The following PDE10A variants were observed in gnomAD, a reference collection of about 807,000 sequenced individuals.
PDE10A encodes phosphodiesterase 10A.
Under a neutral mutation model 97.7 loss-of-function variants are expected in PDE10A, and 39 were observed. The observed-to-expected ratio is 0.40, with a 90% CI of 0.31 to 0.52. The LOEUF is 0.52. Ranked by LOEUF, PDE10A falls within the 20% of genes least tolerant of loss-of-function variation. The pLI is 0.56. For synonymous variants in PDE10A, 371 were observed against 376.8 expected (o/e 0.98, Z 0.18); for missense variants, 731 against 1,047.8 (o/e 0.70, Z 4.17).
intron 10 of PDE10A, among the ~76,000 whole-genome samples, chr6:165,425,767 G>A (rs2128235206): frequency 8.1e-6 from 1 of 123,538 alleles, no homozygotes. Flanking sequence ...TAGAAGGCAT[G>A]ATCGTGTGTG....
At chr6:165,647,640 T>C (rs899678722) in intron 1 of PDE10A, among the ~76,000 whole-genome samples, 3 of 152,216 alleles carry the variant, frequency 2.0e-5, no homozygotes, top group Non-Finnish European at 4.4e-5. Flanking sequence ...AGCCATTTCC[T>C]GATATCAGCG....
At chr6:165,423,000 T>C (rs1788832532) in intron 10 of PDE10A, among the ~76,000 whole-genome samples, 1 of 152,208 alleles carries the variant, frequency 6.6e-6, no homozygotes, top group African/African-American at 2.4e-5. Context: ...AGTGATATGA[T>C]ATAAACACTG....
At chr6:165,858,372 C>T (rs978924202) in intron 1 of PDE10A, among the ~76,000 whole-genome samples, 9 of 152,218 alleles carry the variant, frequency 5.9e-5, no homozygotes, top group African/African-American at 2.2e-4. Context: ...GGAACTGAGA[C>T]CTTCTGCTCT....
chr6:165,721,296 T>A (rs1218713437), intron 1 of PDE10A, among the ~76,000 whole-genome samples: 2 of 152,192 alleles, frequency 1.3e-5, no homozygotes, highest in East Asian at 1.9e-4. Flanking sequence ...AGCTGTGAAA[T>A]TACATTTCAA....
chr6:165,779,958 G>T (rs1049571198), intron 1 of PDE10A, among the ~76,000 whole-genome samples: 3 of 152,280 alleles, frequency 2.0e-5, no homozygotes, highest in African/African-American at 7.2e-5. Flanking sequence ...AGCATCTATT[G>T]AGTGCCTAGC....
chr6:165,388,195 G>A lies in PDE10A; in HGVS notation c.2610+103C>T. 3.1e-6 allele frequency: 3 copies of A among 974,014 alleles called. No homozygotes were observed. Among genetic ancestry groups the A allele is most frequent in the Non-Finnish European group, 4.7e-6 (3 of 640,380 alleles). 60.3% of individuals were successfully genotyped at this position (974,014 alleles called of 1,614,324 possible). A position where few individuals can be genotyped will look rare whatever the true frequency, so the allele number is the denominator to read the frequency against. On this transcript the variant is annotated intron_variant, in intron 17 of 21. Coordinates refer to ENST00000539869, the MANE Select transcript of PDE10A (RefSeq NM_001385079.1). The surrounding 1 kb of genome is among the most constrained non-coding windows in gnomAD (Gnocchi z 4.0). ...GGTTCTACAATAAAAAGTAGCTGTT[G>A]CTTTTAAGGAAGCCATAATGATCTT...
intron 1 of PDE10A, among the ~76,000 whole-genome samples, chr6:165,808,557 G>A (rs1203402384): frequency 6.6e-6 from 1 of 152,198 alleles, no homozygotes; most frequent in Non-Finnish European, 1.5e-5. Context: ...CTCATTTCCA[G>A]CTTGTGATTC....
chr6:165,871,044 G>A lies in PDE10A; in HGVS notation c.-615+116485C>T, dbSNP rs201102828. Among the ~76,000 whole-genome samples the A allele has an allele frequency of 5.3e-5, 8 of 152,290 alleles. No homozygotes were observed. The East Asian group carries it at 7.7e-4, about 15-fold the overall frequency. ...TTCTACTGTTCGATGGTAGAGTGAC[G>A]ATAGTTAATAATAATTTATTGTATA... On this transcript the variant is annotated intron_variant, in intron 1 of 19. Transcript: ENST00000366882.
chr6:165,774,831 C>CTTTTTTTTTTTTTTTTTTATTTTTTTTT (rs1778125497), intron 1 of PDE10A: 12 of 107,872 alleles, frequency 1.1e-4, no homozygotes, highest in Non-Finnish European at 1.9e-4. Context: ...ACTTTTTTTT[C>CTTTTTTTTTTTTTTTTTTATTTTTTTTT]TTTTTTTTTT....
chr6:165,384,911 T>C (rs185888483), intron 17 of PDE10A, among the ~76,000 whole-genome samples: 30 of 152,242 alleles, frequency 2.0e-4, no homozygotes, highest in African/African-American at 6.5e-4. Context: ...ATACACAAAA[T>C]TGCTTACGTC....
At chr6:165,543,409 G>C in intron 2 of PDE10A, 31 bp downstream of exon 2, 1 of 1,587,718 alleles carries the variant, frequency 6.3e-7, no homozygotes, top group South Asian at 1.2e-5. Flanking sequence ...AGAAAAAGCT[G>C]GTTTAAAATG....
chr6:165,467,726 T>C (rs1033742323), intron 3 of PDE10A, among the ~76,000 whole-genome samples: 6 of 152,184 alleles, frequency 3.9e-5, no homozygotes, highest in Non-Finnish European at 8.8e-5. Context: ...CTATGAACAT[T>C]TGTTGACATG....
At chr6:165,628,476 C>T (rs537607349) in intron 1 of PDE10A, among the ~76,000 whole-genome samples, 2 of 152,218 alleles carry the variant, frequency 1.3e-5, no homozygotes, top group South Asian at 4.1e-4. Context: ...GCCTGAGCCT[C>T]CTAAGTAGCT....
chr6:165,645,200 A>C (rs1174642898), intron 1 of PDE10A, among the ~76,000 whole-genome samples: 2 of 152,142 alleles, frequency 1.3e-5, no homozygotes, highest in African/African-American at 4.8e-5. Flanking sequence ...TTTCCAAAAG[A>C]AGCATCTGGG....
Position 165,662,687 on chromosome 6 carries a change from C to T in PDE10A, c.125G>A (p.Gly42Glu), listed in dbSNP as rs1790347953. ...GGCCGGGCCCGGGCCCGCCGCGCTC[C>T]CCCCGCCGGCCGCGCTGAGCCGGGG... Reference protein sequence around the residue: ...PEPRLSAAGGGSAAGPGPAPE... With the variant: ...PEPRLSAAGGESAAGPGPAPE... Residue 42 changes from glycine to glutamate, a missense_variant, in exon 1 of 22, where the codon GGG becomes GAG. Gly to Glu is a moderately conservative substitution (Grantham distance 98). Transcript: ENST00000539869. 2.1e-5 allele frequency: 3 copies of T among 145,470 alleles called. No homozygotes were observed. Among genetic ancestry groups the T allele is most frequent in the Admixed American group, 2.0e-4 (3 of 14,778 alleles). The allele number at this position is 145,470 out of a possible 1,614,324, so 9.0% of individuals were successfully genotyped here. A position where few individuals can be genotyped will look rare whatever the true frequency, so the allele number is the denominator to read the frequency against.
intron 1 of PDE10A, among the ~76,000 whole-genome samples, chr6:165,806,544 T>G (rs1562746206): frequency 6.6e-6 from 1 of 152,192 alleles, no homozygotes; most frequent in Non-Finnish European, 1.5e-5. Context: ...TTTGGTGAAC[T>G]GGCCTCACTC....
At chr6:165,974,354 G>A (rs1784786887) in intron 1 of PDE10A, among the ~76,000 whole-genome samples, 2 of 152,154 alleles carry the variant, frequency 1.3e-5, no homozygotes, top group African/African-American at 4.8e-5. Flanking sequence ...AAAATGATTG[G>A]AACAATCCTC....
chr6:165,970,549 A>C (rs891570120), intron 1 of PDE10A, among the ~76,000 whole-genome samples: 1 of 152,214 alleles, frequency 6.6e-6, no homozygotes, highest in Non-Finnish European at 1.5e-5. Context: ...ATCATATATA[A>C]AAAAACTGTT....
intron 1 of PDE10A, among the ~76,000 whole-genome samples, chr6:165,558,814 G>A (rs551147818): frequency 9.9e-5 from 15 of 152,228 alleles, no homozygotes; most frequent in Admixed American, 2.6e-4. Flanking sequence ...CTGCAAAGTC[G>A]ATAAGGGTAC....
Sources: gnomAD v4.1 joint callset for allele counts (sites outside exome capture counted in the v4.1 genomes callset) on GRCh38, gnomAD v4.1.1 for gene constraint, Gnocchi (gnomAD v3.1) non-coding constraint, MANE v1.5 for transcripts, NCBI Gene and HGNC (gene_info 2026-07-23, HGNC 2026-07-21) for gene names.